Variants in SETD2 observed in about 807,000 individuals in gnomAD.
SETD2 encodes the protein SET domain containing 2, histone lysine methyltransferase, also known as histone-lysine N-methyltransferase SETD2.
In SETD2, 31 loss-of-function variants were observed where a neutral mutation model predicts 242.1. The observed-to-expected ratio is 0.13, with a 90% CI of 0.10 to 0.17. SETD2 has a LOEUF of 0.17. Among genes scored for constraint, SETD2 ranks in the 10% least tolerant of loss-of-function variants. SETD2 has a pLI of 1.00. For missense variants in SETD2, 2,481 were observed against 3,046.3 expected (o/e 0.81, Z 4.37); for synonymous variants, 1,006 against 1,066.5 (o/e 0.94, Z 1.11).
intron 3 of SETD2, among the ~76,000 whole-genome samples, chr3:47,117,455 T>C (rs942445720): frequency 1.3e-5 from 2 of 151,908 alleles, no homozygotes; most frequent in African/African-American, 2.4e-5. Flanking sequence ...CTAGGAAAAA[T>C]AGGAAAACTC....
intron 1 of SETD2, among the ~76,000 whole-genome samples, chr3:47,155,565 C>A (rs1433018009): frequency 6.6e-6 from 1 of 152,152 alleles, no homozygotes; most frequent in East Asian, 1.9e-4. Context: ...GTAATCCCAG[C>A]ACTTTGGGAG....
intron 12 of SETD2, among the ~76,000 whole-genome samples, chr3:47,071,262 C>T (rs940455553): frequency 6.6e-6 from 1 of 152,182 alleles, no homozygotes; most frequent in African/African-American, 2.4e-5. Flanking sequence ...TGTCTAGGTG[C>T]AAACCTCAAC....
rs1197801795 is a variant in SETD2, at chr3:47,124,221, A to G, written c.415T>C (p.Leu139=). 1.9e-6 allele frequency: 3 copies of G among 1,551,792 alleles called. No individual in the cohort carries two copies. The South Asian group carries it at 3.6e-5, about 18-fold the overall frequency. ...TGTTTCTTAAAATGAATTTTGCCCA[A>G]TTCCACCCTTGACTTTGGTGGGGAA... ...ESSPPKSRVE[L]GKIHFKKHLL... is the part of the protein sequence containing the mutation. Residue 139 remains leucine (L), a synonymous_variant, in exon 3 of 21, where the codon TTG becomes CTG. Coordinates refer to ENST00000409792, the MANE Select transcript of SETD2 (RefSeq NM_014159.7).
At chr3:47,116,280 T>C (rs1251084955) in intron 4 of SETD2, among the ~76,000 whole-genome samples, 1 of 152,092 alleles carries the variant, frequency 6.6e-6, no homozygotes, top group African/African-American at 2.4e-5. Flanking sequence ...AATGTTAGGG[T>C]TTTATTTCAC....
At chr3:47,153,670 T>G (rs570271289) in intron 1 of SETD2, among the ~76,000 whole-genome samples, 3 of 152,136 alleles carry the variant, frequency 2.0e-5, no homozygotes, top group South Asian at 4.1e-4. Flanking sequence ...GGAGGATTGC[T>G]TGAGCCCAAG....
Position 47,073,566 on chromosome 3 carries a change from G to A in SETD2, c.6061-6448C>T, listed in dbSNP as rs2107615310. On this transcript the variant is annotated intron_variant, in intron 12 of 20. Coordinates refer to ENST00000409792, the MANE Select transcript of SETD2 (RefSeq NM_014159.7). Reference sequence around the variant, plus strand: ...AAGAGTGAGAGGGAGAAGAGGAAAAGGGGAATGAAATAATTTTGTTTATGC... The same window carrying A: ...AAGAGTGAGAGGGAGAAGAGGAAAAAGGGAATGAAATAATTTTGTTTATGC... Among the ~76,000 whole-genome samples the A allele has an allele frequency of 1.3e-5, 2 of 152,214 alleles. 1 individual carries two copies. Among genetic ancestry groups the A allele is most frequent in the South Asian group, 4.2e-4 (2 of 4,816 alleles).
chr3:47,073,070 A>G (rs2040896579), intron 12 of SETD2, among the ~76,000 whole-genome samples: 1 of 151,610 alleles, frequency 6.6e-6, no homozygotes, highest in Admixed American at 6.6e-5. Context: ...GGAGCTCTTG[A>G]GCCCAGGAGG....
At chr3:47,086,171 C>T (rs2107645242) in intron 11 of SETD2, 24 bp downstream of exon 11, 2 of 1,609,834 alleles carry the variant, frequency 1.2e-6, no homozygotes, top group East Asian at 4.5e-5. Flanking sequence ...TTTTAAGAAA[C>T]AAGCAAGCTA....
In SETD2 at chr3:47,120,666, G is replaced by C. The variant is rs1575810754; in HGVS notation, c.3970C>G (p.Gln1324Glu). ...PGTGVVYDRT[Q>E]GQVPDSLTDD... ...GTTAGGGAATCTGGTACTTGTCCTT[G>C]AGTTCGATCATACACAACCCCAGTT... is the stretch of plus-strand genomic sequence containing the variant. The change falls in exon 3 of 21, where the codon CAA becomes GAA. Residue 1324 changes from glutamine (Q) to glutamate (E), a missense_variant. Coordinates refer to ENST00000409792, the MANE Select transcript of SETD2 (RefSeq NM_014159.7). The C allele has an allele frequency of 6.2e-7, 1 of 1,614,046 alleles. No individual in the cohort carries two copies. The highest frequency in any genetic ancestry group is 1.1e-5 in the South Asian group (1 of 91,064).
intron 5 of SETD2, among the ~76,000 whole-genome samples, chr3:47,111,481 G>A (rs1295698819): frequency 6.6e-6 from 1 of 152,092 alleles, no homozygotes; most frequent in Non-Finnish European, 1.5e-5. Flanking sequence ...GAGGCAGGAG[G>A]ATAAATTGAG....
At chr3:47,129,036 A>C (rs1387012734) in intron 1 of SETD2, among the ~76,000 whole-genome samples, 1 of 152,190 alleles carries the variant, frequency 6.6e-6, no homozygotes, top group Non-Finnish European at 1.5e-5. Context: ...GATGAAAAGA[A>C]TAATCCTGAC....
chr3:47,113,567 G>T (rs1362677867), intron 5 of SETD2, among the ~76,000 whole-genome samples: 1 of 152,130 alleles, frequency 6.6e-6, no homozygotes, highest in Non-Finnish European at 1.5e-5. Flanking sequence ...AGGCGCGACG[G>T]CTCACACCTG....
intron 12 of SETD2, among the ~76,000 whole-genome samples, chr3:47,074,427 G>C (rs573317419): frequency 6.6e-6 from 1 of 152,234 alleles, no homozygotes; most frequent in East Asian, 1.9e-4. Flanking sequence ...AAATACCTCA[G>C]AAAAAGTCCT....
intron 9 of SETD2, among the ~76,000 whole-genome samples, chr3:47,095,803 A>G (rs558300173): frequency 7.3e-5 from 11 of 151,692 alleles, no homozygotes; most frequent in East Asian, 1.9e-4. Flanking sequence ...AGAAGTTGAG[A>G]AAAAAAAAGA....
chr3:47,145,242 T>TA (rs1210280064), intron 1 of SETD2, among the ~76,000 whole-genome samples: 2 of 152,194 alleles, frequency 1.3e-5, no homozygotes, highest in Non-Finnish European at 2.9e-5. Flanking sequence ...ATACACGAGA[T>TA]ATCTTGGGGC....
rs2107484883 is a variant in SETD2, at chr3:47,017,153, C to T, written c.7635G>A (p.Lys2545=). ...CAGCCCCAAACTTCTGCATGTACTT[C>T]TTAATGTACTCCTTGGTTTTGTGTT... ...NVKHKTKEYI[K]KYMQKFGAVY... Residue 2545 remains lysine (K), a synonymous_variant, in exon 21 of 21, where the codon AAG becomes AAA. Transcript: ENST00000409792. The surrounding 1 kb of genome is among the most constrained non-coding windows in gnomAD (Gnocchi z 4.8). The T allele has an allele frequency of 6.2e-7, 1 of 1,614,200 alleles. No individual in the cohort carries two copies. The highest frequency in any genetic ancestry group is 1.1e-5 in the South Asian group (1 of 91,088).
chr3:47,116,912 T>C (rs149417400), intron 3 of SETD2, among the ~76,000 whole-genome samples, 158 bp from the exon 4 acceptor site: 6 of 152,256 alleles, frequency 3.9e-5, no homozygotes, highest in African/African-American at 1.2e-4. Context: ...GATGCGATCA[T>C]GGCTCACTGC....
chr3:47,083,761 C>T lies in SETD2; in HGVS notation c.6019G>A (p.Asp2007Asn), dbSNP rs2041417331. 1 of 1,613,428 alleles carries T rather than the reference C, an allele frequency of 6.2e-7. No individual in the cohort carries two copies. Among genetic ancestry groups the T allele is most frequent in the Non-Finnish European group, 8.5e-7 (1 of 1,179,770 alleles). Residue 2007 changes from aspartate (D) to asparagine (N), a missense_variant, in exon 12 of 21, where the codon GAT becomes AAT. Around this residue, in one of 17 missense-constraint regions of SETD2, gnomAD observed 203 missense variants for 222.4 expected, o/e 0.91. Transcript: ENST00000409792. ...EQPDKTVDIS[D>N]LATKLLDSWK... ...CTGTCCAGGAGTTTGGTGGCCAAATCACTTATATCCACTGTTTTATCTGGC... is the reference window on the plus strand; with the variant it reads ...CTGTCCAGGAGTTTGGTGGCCAAATTACTTATATCCACTGTTTTATCTGGC...
intron 5 of SETD2, among the ~76,000 whole-genome samples, chr3:47,106,454 G>A (rs1369110142): frequency 1.3e-5 from 1 of 79,940 alleles, no homozygotes; most frequent in East Asian, 3.9e-4. Context: ...CAGCTCTGAA[G>A]AAATCAAGAG....
Sources: allele counts gnomAD v4.1 joint callset (sites outside exome capture counted in the v4.1 genomes callset), GRCh38; gene constraint gnomAD v4.1.1; regional missense constraint gnomAD v4.1.1; non-coding constraint Gnocchi (gnomAD v3.1); transcripts MANE v1.5; gene names NCBI Gene and HGNC (gene_info 2026-07-23, HGNC 2026-07-21).